Variants in PHACTR3 observed in about 807,000 individuals in gnomAD.
PHACTR3 encodes the protein phosphatase and actin regulator 3.
In PHACTR3, 16 loss-of-function variants were observed where a neutral mutation model predicts 66.8. The ratio of observed to expected loss-of-function variants is 0.24; its 90% CI spans 0.16 to 0.36. The LOEUF (loss-of-function observed/expected upper bound fraction) is 0.36, where lower values mean the gene tolerates loss of function less well. Ranked by LOEUF, PHACTR3 falls within the 10% of genes least tolerant of loss-of-function variation. PHACTR3 has a pLI of 1.00. For synonymous variants in PHACTR3, 323 were observed against 292.1 expected, an observed-to-expected ratio of 1.11 and a Z score of -1.08; for missense variants, 647 against 719.9, an observed-to-expected ratio of 0.90 and a Z score of 1.16.
intron 8 of PHACTR3, among the ~76,000 whole-genome samples, chr20:59,815,224 T>C (rs1424498217): frequency 6.6e-6 from 1 of 152,092 alleles, no homozygotes; most frequent in East Asian, 1.9e-4. Context: ...CAAAAGCACA[T>C]TTGTCTGCTC....
intron 1 of PHACTR3, among the ~76,000 whole-genome samples, chr20:59,660,926 T>C (rs1294867404): frequency 1.3e-5 from 2 of 152,266 alleles, no homozygotes; most frequent in African/African-American, 2.4e-5. Flanking sequence ...GGAAACACTT[T>C]CTATTTGTCC....
chr20:59,846,594 TTAG>T, intron 12 of PHACTR3, among the ~76,000 whole-genome samples: 1 of 152,308 alleles, frequency 6.6e-6, no homozygotes, highest in East Asian at 1.9e-4. Context: ...TATTAAATGT[TTAG>T]TAAAGATGTT....
chr20:59,606,545 C>G (rs896069967), intron 1 of PHACTR3, among the ~76,000 whole-genome samples: 2 of 152,316 alleles, frequency 1.3e-5, no homozygotes, highest in African/African-American at 4.8e-5. Flanking sequence ...GCCTTCAGCA[C>G]TCCATGATGG....
chr20:59,760,734 T>A (rs913018489), intron 4 of PHACTR3, among the ~76,000 whole-genome samples: 2 of 152,094 alleles, frequency 1.3e-5, no homozygotes, highest in African/African-American at 4.8e-5. Context: ...CAACAGAGCA[T>A]TCCCTACAAA....
At chr20:59,589,001 C>T (rs943321120) in intron 1 of PHACTR3, among the ~76,000 whole-genome samples, 4 of 152,328 alleles carry the variant, frequency 2.6e-5, no homozygotes, top group African/African-American at 7.2e-5. Flanking sequence ...CTGATGGCCC[C>T]CCAGGCCCAT....
At chr20:59,666,326 A>G (rs997407031) in intron 1 of PHACTR3, among the ~76,000 whole-genome samples, 1 of 152,122 alleles carries the variant, frequency 6.6e-6, no homozygotes, top group Non-Finnish European at 1.5e-5. Context: ...GCCCTCTCCC[A>G]CCCTGCCTAA....
chr20:59,695,734 A>ATTTT (rs11480385), intron 1 of PHACTR3, among the ~76,000 whole-genome samples: 1 of 147,118 alleles, frequency 6.8e-6, no homozygotes, highest in African/African-American at 2.5e-5. Context: ...GAAGTTGTCT[A>ATTTT]TTTTTTTTTT....
intron 8 of PHACTR3, among the ~76,000 whole-genome samples, chr20:59,809,727 C>T (rs760038362): frequency 6.6e-6 from 1 of 152,126 alleles, no homozygotes; most frequent in Non-Finnish European, 1.5e-5. Context: ...GTTGTCAGTA[C>T]TTTGAGGTTT....
At chr20:59,683,410 G>A (rs771272091) in intron 1 of PHACTR3, among the ~76,000 whole-genome samples, 7 of 152,124 alleles carry the variant, frequency 4.6e-5, no homozygotes, top group Non-Finnish European at 8.8e-5. Context: ...GTGAGCTAAC[G>A]CGCTCTCTCC....
intron 8 of PHACTR3, among the ~76,000 whole-genome samples, chr20:59,814,418 G>A (rs1409481429): frequency 1.3e-5 from 2 of 152,158 alleles, no homozygotes; most frequent in Non-Finnish European, 2.9e-5. Flanking sequence ...AGACACAGGG[G>A]AAAGGTTATA....
chr20:59,615,705 G>A (rs2034003469), intron 1 of PHACTR3, among the ~76,000 whole-genome samples: 1 of 152,208 alleles, frequency 6.6e-6, no homozygotes, highest in Non-Finnish European at 1.5e-5. Flanking sequence ...GTCTAAACCA[G>A]CCATGTTAGT....
chr20:59,663,618 C>T (rs993731426), intron 1 of PHACTR3, among the ~76,000 whole-genome samples: 2 of 152,210 alleles, frequency 1.3e-5, no homozygotes, highest in Non-Finnish European at 2.9e-5. Context: ...CTTTTCATGG[C>T]GTGTCGACAC....
chr20:59,836,986 A>C (rs576232174), intron 9 of PHACTR3, among the ~76,000 whole-genome samples: 57 of 152,328 alleles, frequency 3.7e-4, no homozygotes, highest in Non-Finnish European at 6.8e-4. Flanking sequence ...CGGTGAAGCC[A>C]TGAGAAGCTT....
chr20:59,841,296 GTTTTGTTTTGTT>G, intron 10 of PHACTR3, 87 bp from the exon 11 acceptor site: 1 of 1,256,310 alleles, frequency 8.0e-7, no homozygotes, highest in Non-Finnish European at 1.1e-6. Context: ...GGTTTTTTTT[GTTTTGTTTTGTT>G]TTTTAAGAGA....
chr20:59,822,729 G>A (rs905745016), intron 8 of PHACTR3, among the ~76,000 whole-genome samples: 7 of 152,202 alleles, frequency 4.6e-5, no homozygotes, highest in African/African-American at 1.7e-4. Context: ...GGCACCTACC[G>A]TGTGGCTCGG....
intron 1 of PHACTR3, among the ~76,000 whole-genome samples, chr20:59,642,882 G>A (rs771232432): frequency 1.3e-5 from 2 of 152,092 alleles, no homozygotes; most frequent in African/African-American, 2.4e-5. Flanking sequence ...AGAATTTTAA[G>A]AATTTAATTC....
intron 1 of PHACTR3, among the ~76,000 whole-genome samples, chr20:59,622,483 C>G (rs2034277999): frequency 6.6e-6 from 1 of 152,178 alleles, no homozygotes. Flanking sequence ...GGTAAATGCT[C>G]TGTTCATGTC....
intron 4 of PHACTR3, among the ~76,000 whole-genome samples, chr20:59,755,841 G>T (rs2039772536): frequency 6.6e-6 from 1 of 152,180 alleles, no homozygotes; most frequent in South Asian, 2.1e-4. Flanking sequence ...CCTGGGAGCT[G>T]GTCGGTGCTG....
intron 1 of PHACTR3, among the ~76,000 whole-genome samples, chr20:59,720,211 A>G (rs1159340683): frequency 6.6e-6 from 1 of 152,162 alleles, no homozygotes. Flanking sequence ...AAAAGTCGCC[A>G]TTTCTTTGGG....
Sources: gnomAD v4.1 joint callset for allele counts (sites outside exome capture counted in the v4.1 genomes callset) on GRCh38, gnomAD v4.1.1 for gene constraint, MANE v1.5 for transcripts, NCBI Gene and HGNC (gene_info 2026-07-23, HGNC 2026-07-21) for gene names.